The following TBCK variants were observed in gnomAD, a reference collection of about 807,000 sequenced individuals.
TBCK encodes TBC1 domain containing kinase.
In TBCK, 99 loss-of-function variants were observed where a neutral mutation model predicts 113.4. That is an observed-to-expected ratio of 0.87 (90% confidence interval 0.74 to 1.03). The LOEUF (loss-of-function observed/expected upper bound fraction) is 1.03. Among genes scored for constraint, TBCK ranks in the 50% least tolerant of loss-of-function variants. The probability of loss-of-function intolerance (pLI) is 0.00; values close to 1 mark genes in which losing one functional copy is unlikely to be tolerated. For missense variants in TBCK, 1,045 were observed against 1,061.3 expected (o/e 0.98, Z 0.21); for synonymous variants, 369 against 370.8 (o/e 1.00, Z 0.05).
At chr4:106,230,257 T>G (rs763069963) in intron 19 of TBCK, 106 bp downstream of exon 19, 2 of 561,944 alleles carry the variant, frequency 3.6e-6, no homozygotes, top group African/African-American at 3.8e-5. Context: ...GGATGGACCA[T>G]CATCGTATTT....
intron 3 of TBCK, among the ~76,000 whole-genome samples, chr4:106,288,473 G>A (rs1482664634): frequency 6.6e-6 from 1 of 152,148 alleles, no homozygotes; most frequent in East Asian, 1.9e-4. Context: ...ATTTCATTTA[G>A]TTATGACACA....
At chr4:106,264,995 TG>T (rs1762853735) in intron 3 of TBCK, among the ~76,000 whole-genome samples, 2 of 151,926 alleles carry the variant, frequency 1.3e-5, no homozygotes, top group South Asian at 2.1e-4. Flanking sequence ...CACTCTTCCC[TG>T]GGAAGTTTTG....
At chr4:106,136,277 G>T (rs1336806790) in intron 23 of TBCK, among the ~76,000 whole-genome samples, 1 of 140,616 alleles carries the variant, frequency 7.1e-6, no homozygotes, top group African/African-American at 2.5e-5. Context: ...TTCAAGGAGT[G>T]AATCACTCCC....
chr4:106,047,587 G>A (rs1734355498), intron 25 of TBCK, among the ~76,000 whole-genome samples: 1 of 152,034 alleles, frequency 6.6e-6, no homozygotes, highest in Admixed American at 6.6e-5. Flanking sequence ...TGCCATTAGG[G>A]TCCCTGCTTC....
chr4:106,182,946 G>A (rs1752574459), intron 22 of TBCK, among the ~76,000 whole-genome samples: 1 of 152,070 alleles, frequency 6.6e-6, no homozygotes, highest in Non-Finnish European at 1.5e-5. Flanking sequence ...ATAACCTTGA[G>A]TAACTCACTG....
chr4:106,042,297 T>TATA lies in TBCK; in HGVS notation c.*4272_*4273insTAT, dbSNP rs1401028558. The TATA allele has an allele frequency of 6.6e-6, 1 of 152,216 alleles. No homozygotes were observed. The highest frequency in any genetic ancestry group is 1.9e-4 in the East Asian group (1 of 5,206). 9.4% of individuals were successfully genotyped at this position (152,216 alleles called of 1,614,324 possible). A position where few individuals can be genotyped will look rare whatever the true frequency, so the allele number is the denominator to read the frequency against. On this transcript the variant is annotated 3_prime_UTR_variant, in exon 26 of 26. Coordinates refer to ENST00000394708, the MANE Select transcript of TBCK (RefSeq NM_001163435.3). ...GAAATATCTGCCAACCCTTTCTATA[T>TATA]AGTCAAGGCAGCAGTCTTCTCTCCT...
intron 20 of TBCK, among the ~76,000 whole-genome samples, chr4:106,197,411 GTA>G (rs1553957897): frequency 1.2e-3 from 141 of 122,452 alleles, no homozygotes; most frequent in Middle Eastern, 4.3e-3. Flanking sequence ...GTGTGTGTGT[GTA>G]TATATATATA....
At chr4:106,219,735 T>G (rs149804467) in intron 19 of TBCK, among the ~76,000 whole-genome samples, 2 of 152,186 alleles carry the variant, frequency 1.3e-5, no homozygotes, top group East Asian at 3.9e-4. Context: ...GACTGGGTTT[T>G]GCTATGTTGT....
intron 20 of TBCK, among the ~76,000 whole-genome samples, chr4:106,200,502 T>C (rs551374851): frequency 6.6e-6 from 1 of 152,246 alleles, no homozygotes; most frequent in East Asian, 1.9e-4. Flanking sequence ...ATCACACCAC[T>C]GCACTCCAGC....
At chr4:106,216,841 G>C (rs1224312055) in intron 19 of TBCK, among the ~76,000 whole-genome samples, 4 of 151,134 alleles carry the variant, frequency 2.6e-5, no homozygotes, top group African/African-American at 9.7e-5. Context: ...AATAGAAAAA[G>C]AGGGAATCCT....
intron 25 of TBCK, among the ~76,000 whole-genome samples, chr4:106,059,201 TGTA>T (rs1728540844): frequency 1.1e-5 from 1 of 93,128 alleles, no homozygotes; most frequent in Non-Finnish European, 2.5e-5. Context: ...CTGTTAAATG[TGTA>T]ATAATAATTC....
intron 14 of TBCK, among the ~76,000 whole-genome samples, chr4:106,236,185 CAT>C (rs1197002384): frequency 6.6e-6 from 1 of 151,830 alleles, no homozygotes; most frequent in Non-Finnish European, 1.5e-5. Context: ...CATGATTTTG[CAT>C]ATGTTACCAC....
chr4:106,115,556 GCT>G (rs1439320264), intron 24 of TBCK, among the ~76,000 whole-genome samples: 3 of 152,086 alleles, frequency 2.0e-5, no homozygotes, highest in Non-Finnish European at 4.4e-5. Flanking sequence ...TTTAAAAGTT[GCT>G]CTGTTTTTAA....
chr4:106,205,763 AAAAAAAAACAAC>A (rs1755425110), intron 20 of TBCK, among the ~76,000 whole-genome samples: 1 of 150,558 alleles, frequency 6.6e-6, no homozygotes. Context: ...CTCTGTCTCA[AAAAAAAAACAAC>A]AAAAAAAACA....
intron 3 of TBCK, among the ~76,000 whole-genome samples, chr4:106,283,876 G>T (rs903434416): frequency 1.4e-4 from 22 of 152,140 alleles, no homozygotes; most frequent in Admixed American, 1.2e-3. Context: ...AAGCCAGGAA[G>T]ACCAGTTAGA....
chr4:106,212,663 A>T, intron 20 of TBCK, 87 bp downstream of exon 20: 4 of 982,208 alleles, frequency 4.1e-6, no homozygotes, highest in Non-Finnish European at 6.1e-6. Context: ...CTATGACAAC[A>T]AAAATTAAGA....
chr4:106,243,855 A>AT (rs897816243), intron 11 of TBCK, among the ~76,000 whole-genome samples: 5 of 151,414 alleles, frequency 3.3e-5, no homozygotes, highest in Non-Finnish European at 5.9e-5. Flanking sequence ...CGCCCAGCTA[A>AT]TTTTTTTTCT....
At chr4:106,245,716 T>C (rs1760721731) in intron 10 of TBCK, among the ~76,000 whole-genome samples, 1 of 152,184 alleles carries the variant, frequency 6.6e-6, no homozygotes, top group African/African-American at 2.4e-5. Flanking sequence ...CATTTATTCA[T>C]CTCTGTTAAT....
At chr4:106,093,307 C>A (rs1162537897) in intron 25 of TBCK, among the ~76,000 whole-genome samples, 1 of 152,178 alleles carries the variant, frequency 6.6e-6, no homozygotes, top group Non-Finnish European at 1.5e-5. Context: ...GAGATTGAGA[C>A]CACCCTGTCT....
Sources: allele counts gnomAD v4.1 joint callset (sites outside exome capture counted in the v4.1 genomes callset), GRCh38; gene constraint gnomAD v4.1.1; transcripts MANE v1.5; gene names NCBI Gene and HGNC (gene_info 2026-07-23, HGNC 2026-07-21).